Variants in PNPLA7 observed in about 807,000 individuals in gnomAD.
PNPLA7 encodes the protein patatin like domain 7, lysophospholipase.
In PNPLA7, 153 loss-of-function variants were observed where a neutral mutation model predicts 161.7. The observed-to-expected ratio is 0.95, with a 90% confidence interval of 0.83 to 1.08. PNPLA7 has a LOEUF of 1.08. Among genes scored for constraint, PNPLA7 ranks in the 50% least tolerant of loss-of-function variants. The probability of loss-of-function intolerance (pLI) is 0.00; values close to 1 mark genes in which losing one functional copy is unlikely to be tolerated. For missense variants in PNPLA7, 1,739 were observed against 1,856.6 expected, an observed-to-expected ratio of 0.94 and a Z score of 1.16; for synonymous variants, 809 against 782.1, an observed-to-expected ratio of 1.03 and a Z score of -0.57.
At chr9:137,522,694 A>G in intron 9 of PNPLA7, 35 bp downstream of exon 9, 2 of 1,610,754 alleles carry the variant, frequency 1.2e-6, no homozygotes, top group Non-Finnish European at 1.7e-6. Context: ...GGTGACCCAC[A>G]GCAGCTAGAA....
intron 25 of PNPLA7, among the ~76,000 whole-genome samples, chr9:137,472,839 T>C (rs560290436): frequency 3.5e-5 from 5 of 141,030 alleles, no homozygotes; most frequent in South Asian, 4.5e-4. Context: ...CCTATAATCC[T>C]AGCTACTCAG....
chr9:137,486,029 T>G lies in PNPLA7; in HGVS notation c.2198-1293A>C, dbSNP rs1458525034. On this transcript the variant is annotated intron_variant, in intron 20 of 34. Transcript: ENST00000406427. The surrounding 1 kb of genome is among the most constrained non-coding windows in gnomAD (Gnocchi z 6.0). Reference sequence around the variant, plus strand: ...CCAGCCACGCTCCTGCCCACGAGGGTCTCCTGCATCTAGGTGCCGTGGATG... The same window carrying G: ...CCAGCCACGCTCCTGCCCACGAGGGGCTCCTGCATCTAGGTGCCGTGGATG... 6.6e-6 allele frequency among the ~76,000 whole-genome samples: 1 copy of G among 151,386 alleles called. No individual in the cohort carries two copies. Among genetic ancestry groups the G allele is most frequent in the East Asian group, 1.9e-4 (1 of 5,176 alleles).
chr9:137,550,142 G>A, intron 1 of PNPLA7, 26 bp downstream of exon 1: 1 of 1,612,688 alleles, frequency 6.2e-7, no homozygotes, highest in Non-Finnish European at 8.5e-7. Context: ...GGGAAATCCA[G>A]GCATCTGGTC....
At chr9:137,502,938 G>C (rs982869491) in intron 14 of PNPLA7, among the ~76,000 whole-genome samples, 1 of 151,992 alleles carries the variant, frequency 6.6e-6, no homozygotes, top group Admixed American at 6.5e-5. Context: ...TCAAGGGGGG[G>C]CACCCGAACG....
chr9:137,474,175 G>A (rs1831835566), intron 25 of PNPLA7, among the ~76,000 whole-genome samples: 1 of 152,164 alleles, frequency 6.6e-6, no homozygotes, highest in African/African-American at 2.4e-5. Flanking sequence ...GGAGGTGGAG[G>A]TTGCAGTGAG....
chr9:137,462,973 C>G, intron 29 of PNPLA7, 140 bp from the exon 30 acceptor site: 1 of 1,174,606 alleles, frequency 8.5e-7, no homozygotes. Flanking sequence ...GGCAGAAGAC[C>G]CACATGCCCA....
At chr9:137,530,649 G>T (rs1835539805) in intron 8 of PNPLA7, among the ~76,000 whole-genome samples, 1 of 152,210 alleles carries the variant, frequency 6.6e-6, no homozygotes, top group South Asian at 2.1e-4. Context: ...CAGCAGGACA[G>T]GCTGTTGTGG....
Position 137,479,146 on chromosome 9 carries a change from C to G in PNPLA7, c.2673G>C (p.Val891=). The G allele has an allele frequency of 6.3e-7, 1 of 1,587,250 alleles. No individual in the cohort carries two copies. The highest frequency in any genetic ancestry group is 8.6e-7 in the Non-Finnish European group (1 of 1,168,128). ...ACCAGCTCCGCATGTTGAGCCACTC[C>G]ACGGTGCGCGCTGGCGCCGGGCCCT... ...REEGPAPART[V]EWLNMRSWCS... The change falls in exon 24 of 35, where the codon GTG becomes GTC. Residue 891 remains valine, a synonymous_variant. Coordinates refer to ENST00000406427, the MANE Select transcript of PNPLA7 (RefSeq NM_001098537.3).
intron 32 of PNPLA7, 43 bp downstream of exon 32, chr9:137,461,888 C>T: frequency 6.9e-7 from 1 of 1,454,316 alleles, no homozygotes; most frequent in Non-Finnish European, 9.2e-7. Flanking sequence ...AAGAACTGGG[C>T]GCGGTCCGGG....
chr9:137,463,069 G>GC (rs1437194280), intron 29 of PNPLA7: 2 of 633,944 alleles, frequency 3.2e-6, no homozygotes, highest in Admixed American at 6.1e-5. Context: ...GCCTGGCCTG[G>GC]CCCCCAGCAA....
chr9:137,496,766 GC>G (rs1375225281), intron 18 of PNPLA7, among the ~76,000 whole-genome samples: 1 of 152,172 alleles, frequency 6.6e-6, no homozygotes, highest in Admixed American at 6.5e-5. Flanking sequence ...GAAGCCCCAG[GC>G]CGTGGCACCT....
At chr9:137,496,313 G>A (rs146866394) in intron 18 of PNPLA7, among the ~76,000 whole-genome samples, 9 of 151,538 alleles carry the variant, frequency 5.9e-5, no homozygotes, top group Admixed American at 2.6e-4. Context: ...CTTCATGTTG[G>A]TCAGGCTTGT....
intron 12 of PNPLA7, among the ~76,000 whole-genome samples, chr9:137,508,192 C>A (rs1419107326): frequency 6.6e-6 from 1 of 151,950 alleles, no homozygotes; most frequent in Admixed American, 6.6e-5. Context: ...CACCACTGCA[C>A]CCCAGCCTGG....
chr9:137,466,823 C>T, intron 26 of PNPLA7, among the ~76,000 whole-genome samples: 1 of 146,634 alleles, frequency 6.8e-6, no homozygotes. Flanking sequence ...ATCAGACCAC[C>T]TCCCACCACC....
At chr9:137,516,635 G>T in intron 11 of PNPLA7, 1 of 493,218 alleles carries the variant, frequency 2.0e-6, no homozygotes, top group Non-Finnish European at 2.6e-6. Context: ...GTAGTAAGAT[G>T]CCATCTTTAC....
chr9:137,498,417 G>A (rs1055659249), intron 16 of PNPLA7, among the ~76,000 whole-genome samples, 172 bp from the exon 17 acceptor site: 44 of 152,266 alleles, frequency 2.9e-4, no homozygotes, highest in Non-Finnish European at 1.5e-4. Flanking sequence ...CCTGCCCCAC[G>A]GCACAGCACT....
chr9:137,492,508 C>T (rs566328040), intron 20 of PNPLA7, among the ~76,000 whole-genome samples: 3,071 of 12,492 alleles, frequency 0.25, 70 homozygotes, highest in Non-Finnish European at 0.3. Context: ...GGGGCATGGG[C>T]GGGTGGGTGG....
At chr9:137,464,611 G>A in intron 26 of PNPLA7, 155 bp from the exon 27 acceptor site, 1 of 694,702 alleles carries the variant, frequency 1.4e-6, no homozygotes, top group Non-Finnish European at 2.5e-6. Flanking sequence ...GCCCTGGCTG[G>A]AGCCTCAGAG....
Position 137,461,591 on chromosome 9 carries a change from C to G in PNPLA7, c.3786G>C (p.Thr1262=), listed in dbSNP as rs142799630. ...AVLTCPNASF[T]DLAEIVSRIE... is the part of the protein sequence containing the mutation. ...TGCGAGACACAATTTCGGCAAGGTC[C>G]GTGAAGGAGGCGTTGGGACAGGTGA... The change falls in exon 33 of 35, where the codon ACG becomes ACC. Residue 1262 remains threonine, a synonymous_variant. Coordinates refer to ENST00000406427, the MANE Select transcript of PNPLA7 (RefSeq NM_001098537.3). 5.6e-6 allele frequency: 9 copies of G among 1,612,666 alleles called. No individual in the cohort carries two copies. In the East Asian group the frequency reaches 8.9e-5, roughly 16 times the overall value.
Sources: allele counts gnomAD v4.1 joint callset (sites outside exome capture counted in the v4.1 genomes callset), GRCh38; gene constraint gnomAD v4.1.1; non-coding constraint Gnocchi (gnomAD v3.1); transcripts MANE v1.5; gene names NCBI Gene and HGNC (gene_info 2026-07-23, HGNC 2026-07-21).